The following TERB2 variants were observed in gnomAD, a reference collection of about 807,000 sequenced individuals.
TERB2 encodes telomere repeats-binding bouquet formation protein 2.
Under a neutral mutation model 29.8 loss-of-function variants are expected in TERB2, and 26 were observed. The ratio of observed to expected loss-of-function variants is 0.87; its 90% CI spans 0.64 to 1.21. The LOEUF (loss-of-function observed/expected upper bound fraction) is 1.21. Ranked by LOEUF, TERB2 falls within the 50% of genes most tolerant of loss-of-function variation. The pLI is 0.00. For synonymous variants in TERB2, 80 were observed against 90.8 expected (o/e 0.88, Z 0.68); for missense variants, 240 against 268.6 (o/e 0.89, Z 0.74).
Position 44,966,022 on chromosome 15 carries a change from G to C in TERB2, c.349-136G>C, listed in dbSNP as rs1037734598. The C allele has an allele frequency of 3.4e-5, 15 of 438,260 alleles. No homozygotes were observed. The South Asian group carries it at 6.9e-4, about 20-fold the overall frequency. The allele number at this position is 438,260 out of a possible 1,614,324, so 27.1% of individuals were successfully genotyped here. A position where few individuals can be genotyped will look rare whatever the true frequency, so the allele number is the denominator to read the frequency against. On this transcript the variant is annotated intron_variant, in intron 4 of 6. Transcript: ENST00000340827. ...AATTTTCTTCACTCAGCTAGATTGA[G>C]TGGACTTAAATGTGTAAATATTTTT...
intron 6 of TERB2, chr15:44,976,054 G>C (rs1301757164): frequency 2.0e-5 from 3 of 152,114 alleles, no homozygotes; most frequent in Admixed American, 6.6e-5. Flanking sequence ...TTAAAACAAT[G>C]AACATTTATT....
intron 6 of TERB2, among the ~76,000 whole-genome samples, chr15:44,977,694 G>T (rs1013731658): frequency 6.6e-6 from 1 of 152,074 alleles, no homozygotes; most frequent in African/African-American, 2.4e-5. Flanking sequence ...TAAACAATAT[G>T]CATGGATATC....
intron 4 of TERB2, among the ~76,000 whole-genome samples, chr15:44,963,970 C>T (rs1011041048): frequency 2.6e-5 from 4 of 151,800 alleles, no homozygotes; most frequent in Non-Finnish European, 5.9e-5. Flanking sequence ...GCCACCACAC[C>T]CAGCTACTTT....
intron 4 of TERB2, among the ~76,000 whole-genome samples, chr15:44,965,496 A>G (rs1234129057): frequency 6.9e-6 from 1 of 144,320 alleles, no homozygotes; most frequent in Non-Finnish European, 1.5e-5. Flanking sequence ...TTATATAGAT[A>G]TATATTATAT....
At chr15:44,974,879 T>A (rs918334469) in intron 6 of TERB2, among the ~76,000 whole-genome samples, 1 of 152,208 alleles carries the variant, frequency 6.6e-6, no homozygotes, top group Non-Finnish European at 1.5e-5. Flanking sequence ...GCCATATTAC[T>A]ATCCCTGTTC....
chr15:44,962,449 A>G (rs765314326), intron 4 of TERB2, among the ~76,000 whole-genome samples: 8 of 149,724 alleles, frequency 5.3e-5, no homozygotes, highest in South Asian at 2.1e-4. Flanking sequence ...TCGGCCTCCC[A>G]AAGTGCTGGG....
chr15:44,972,261 G>T (rs1319817472), intron 5 of TERB2, among the ~76,000 whole-genome samples: 1 of 151,962 alleles, frequency 6.6e-6, no homozygotes, highest in South Asian at 2.1e-4. Context: ...AAAGTGCTGG[G>T]ATTACAGGCG....
At chr15:44,969,573 G>C (rs779476998) in intron 5 of TERB2, among the ~76,000 whole-genome samples, 1 of 151,458 alleles carries the variant, frequency 6.6e-6, no homozygotes, top group Non-Finnish European at 1.5e-5. Flanking sequence ...AGGATAGCTT[G>C]AGGCCAGGAG....
rs755351551 is a variant in TERB2 at position 44,956,780 on chromosome 15, G to C, written c.62G>C (p.Trp21Ser). ...GTTAGCCAGGATCTGAGGCAATTCTGGGGTAGGAAGCTGAGTGGAAGCAGC... is the reference window on the plus strand; with the variant it reads ...GTTAGCCAGGATCTGAGGCAATTCTCGGGTAGGAAGCTGAGTGGAAGCAGC... ...GSVSQDLRQF[W>S]VAEGGTISDP... Residue 21 changes from tryptophan (W) to serine (S), a missense_variant and splice_region_variant, in exon 1 of 7, where the codon TGG becomes TCG. Transcript: ENST00000340827. 5 of 1,613,862 alleles carry C rather than the reference G, an allele frequency of 3.1e-6. No individual in the cohort carries two copies. The South Asian group carries it at 5.5e-5, about 18-fold the overall frequency.
chr15:44,976,488 A>C (rs914051322), intron 6 of TERB2, among the ~76,000 whole-genome samples: 1 of 152,152 alleles, frequency 6.6e-6, no homozygotes, highest in Non-Finnish European at 1.5e-5. Context: ...CAGAGTGAAA[A>C]ATCCAAGAAT....
At chr15:44,961,475 T>TA (rs1891802099) in intron 3 of TERB2, 48 bp from the exon 4 acceptor site, 1 of 1,378,646 alleles carries the variant, frequency 7.3e-7, no homozygotes, top group Non-Finnish European at 1.0e-6. Context: ...CAGAAGATTC[T>TA]TAAAAAAAAA....
chr15:44,971,757 C>T (rs562522755), intron 5 of TERB2, among the ~76,000 whole-genome samples: 54 of 149,918 alleles, frequency 3.6e-4, no homozygotes, highest in African/African-American at 1.2e-3. Flanking sequence ...CTCTGTCCTC[C>T]GAAAAAAAAA....
intron 3 of TERB2, among the ~76,000 whole-genome samples, chr15:44,960,790 T>C (rs570283246): frequency 6.6e-6 from 1 of 152,216 alleles, no homozygotes; most frequent in Admixed American, 6.5e-5. Flanking sequence ...TTACCTTTTT[T>C]GTCCTTTTGA....
At chr15:44,973,014 C>A (rs1408225933) in intron 5 of TERB2, among the ~76,000 whole-genome samples, 1 of 151,372 alleles carries the variant, frequency 6.6e-6, no homozygotes, top group African/African-American at 2.4e-5. Flanking sequence ...TTCCGAGTAG[C>A]TGGGATTACA....
At chr15:44,957,068 G>A (rs1460997527) in intron 2 of TERB2, 91 bp downstream of exon 2, 1 of 1,347,732 alleles carries the variant, frequency 7.4e-7, no homozygotes, top group Non-Finnish European at 1.0e-6. Flanking sequence ...TATTGATGAG[G>A]CTGGGCGCGG....
intron 5 of TERB2, chr15:44,970,641 C>G (rs115746888): frequency 0.014 from 2,302 of 166,568 alleles, 18 homozygotes; most frequent in Non-Finnish European, 0.021. Context: ...ATTTTGAGAT[C>G]GTTACCTTCT....
intron 6 of TERB2, among the ~76,000 whole-genome samples, chr15:44,975,673 T>G (rs1010579603): frequency 6.6e-6 from 1 of 152,050 alleles, no homozygotes; most frequent in Non-Finnish European, 1.5e-5. Context: ...ATATTTACCT[T>G]GGCATCTGCC....
At chr15:44,965,510 TATAG>T (rs945322828) in intron 4 of TERB2, among the ~76,000 whole-genome samples, 4 of 144,292 alleles carry the variant, frequency 2.8e-5, no homozygotes, top group African/African-American at 7.5e-5. Context: ...ATTATATTTA[TATAG>T]ATATATATAA....
At chr15:44,969,413 AAATTT>A (rs1891936288) in intron 5 of TERB2, among the ~76,000 whole-genome samples, 1 of 152,000 alleles carries the variant, frequency 6.6e-6, no homozygotes, top group Non-Finnish European at 1.5e-5. Context: ...CAGCCTAATT[AAATTT>A]TTTTTTTGTC....
Sources: allele counts gnomAD v4.1 joint callset (sites outside exome capture counted in the v4.1 genomes callset), GRCh38; gene constraint gnomAD v4.1.1; transcripts MANE v1.5; gene names NCBI Gene and HGNC (gene_info 2026-07-23, HGNC 2026-07-21).